UNC13C: variants seen among roughly 807,000 people sequenced by gnomAD.
UNC13C encodes protein unc-13 homolog C.
A neutral mutation model predicts 245.4 loss-of-function variants in UNC13C; 174 were observed. That is an observed-to-expected ratio of 0.71 (90% CI 0.63 to 0.80). The LOEUF is 0.80. Among genes scored for constraint, UNC13C ranks in the 30% least tolerant of loss-of-function variants. The pLI, the probability that UNC13C is intolerant of heterozygous loss-of-function variation, is 0.00. For missense variants in UNC13C, 2,829 were observed against 2,602.9 expected (o/e 1.09, Z -1.89); for synonymous variants, 992 against 895.1 (o/e 1.11, Z -1.93).
chr15:54,075,115 T>A (rs1014623999), intron 2 of UNC13C, among the ~76,000 whole-genome samples: 4 of 152,142 alleles, frequency 2.6e-5, no homozygotes, highest in African/African-American at 9.7e-5. Flanking sequence ...ACTCAAAGAA[T>A]AATAACACAG....
At chr15:54,463,204 AGCTCTCAGTAAAATGGGCCAATCG>A (rs1891954111) in intron 19 of UNC13C, among the ~76,000 whole-genome samples, 2 of 136,876 alleles carry the variant, frequency 1.5e-5, no homozygotes, top group African/African-American at 2.7e-5. Context: ...TGGGCCAATC[AGCTCTCAGTAAAATGGGCCAATCG>A]GCTCTCAGTA....
At chr15:53,985,809 A>T (rs768226523) in intron 1 of UNC13C, among the ~76,000 whole-genome samples, 2 of 151,990 alleles carry the variant, frequency 1.3e-5, no homozygotes, top group Non-Finnish European at 2.9e-5. Context: ...TGAGACTACT[A>T]CTTTCGTCTG....
chr15:54,358,831 C>T, intron 17 of UNC13C, among the ~76,000 whole-genome samples: 1 of 152,008 alleles, frequency 6.6e-6, no homozygotes, highest in Non-Finnish European at 1.5e-5. Flanking sequence ...ATTCCTATAG[C>T]TAAGACTTCC....
intron 2 of UNC13C, among the ~76,000 whole-genome samples, chr15:54,036,375 C>G (rs1192582085): frequency 1.3e-5 from 2 of 152,164 alleles, no homozygotes; most frequent in Non-Finnish European, 2.9e-5. Context: ...TGGAGAAATC[C>G]TGATGTTGTT....
the UNC13C span, among the ~76,000 whole-genome samples, chr15:53,909,362 T>C: frequency 1.4e-5 from 2 of 146,864 alleles, no homozygotes; most frequent in African/African-American, 2.4e-5. Flanking sequence ...AATCAAAATG[T>C]AGTGTAACCC....
chr15:54,015,598 G>T lies in UNC13C; in HGVS notation c.2695G>T (p.Asp899Tyr). ...AAACAGGACTAGTATTACTGAAACA[G>T]ATGAACAAATGCAAGCATATGATCA... ...LENRTSITETDEQMQAYDHLS... is the reference protein window; with the variant it reads ...LENRTSITETYEQMQAYDHLS... The change falls in exon 2 of 33, where the codon GAT (aspartate) becomes TAT (tyrosine). Residue 899 changes from aspartate (D) to tyrosine (Y), a missense_variant. Physicochemically the swap from Asp to Tyr is radical, Grantham distance 160. Coordinates refer to ENST00000260323, the MANE Select transcript of UNC13C (RefSeq NM_001080534.3). 1 of 1,613,818 alleles carries T rather than the reference G, an allele frequency of 6.2e-7. No individual in the cohort carries two copies. Among genetic ancestry groups the T allele is most frequent in the South Asian group, 1.1e-5 (1 of 91,076 alleles).
At chr15:53,957,706 A>G in the UNC13C span, among the ~76,000 whole-genome samples, 1 of 152,186 alleles carries the variant, frequency 6.6e-6, no homozygotes, top group Non-Finnish European at 1.5e-5. Context: ...TCAATATTCA[A>G]TTACAGCATA....
the UNC13C span, among the ~76,000 whole-genome samples, chr15:53,844,496 A>T: frequency 6.6e-6 from 1 of 152,102 alleles, no homozygotes; most frequent in African/African-American, 2.4e-5. Context: ...GGTCAATGTG[A>T]TAAGGTCATC....
chr15:54,139,357 A>G (rs999778272), intron 2 of UNC13C, among the ~76,000 whole-genome samples: 4 of 151,998 alleles, frequency 2.6e-5, no homozygotes, highest in East Asian at 3.9e-4. Flanking sequence ...CAGTGGTCCT[A>G]TTTCTAAACA....
chr15:54,255,197 T>C (rs1395457077), intron 8 of UNC13C, among the ~76,000 whole-genome samples: 1 of 152,190 alleles, frequency 6.6e-6, no homozygotes, highest in African/African-American at 2.4e-5. Context: ...GTCAACTCAA[T>C]TAGACCCCTC....
intron 4 of UNC13C, among the ~76,000 whole-genome samples, chr15:54,203,783 T>C (rs946977390): frequency 5.7e-5 from 6 of 106,124 alleles, no homozygotes; most frequent in Non-Finnish European, 9.1e-5. Flanking sequence ...TACACACACA[T>C]ATAGATATAC....
intron 10 of UNC13C, among the ~76,000 whole-genome samples, chr15:54,286,590 G>A (rs74015113): frequency 0.018 from 2,711 of 152,220 alleles, 88 homozygotes; most frequent in African/African-American, 0.063. Context: ...GTTAAACTCT[G>A]ATAACTTGGC....
chr15:54,165,535 T>C (rs2033133389), intron 4 of UNC13C, among the ~76,000 whole-genome samples: 1 of 152,172 alleles, frequency 6.6e-6, no homozygotes, highest in Non-Finnish European at 1.5e-5. Flanking sequence ...AGCCCTGTGT[T>C]ACTTCAGAAC....
intron 17 of UNC13C, among the ~76,000 whole-genome samples, chr15:54,360,850 T>G (rs893145616): frequency 1.3e-5 from 2 of 152,190 alleles, no homozygotes; most frequent in African/African-American, 4.8e-5. Context: ...GGGGCTGTGT[T>G]GAATGTGATA....
At chr15:54,462,094 G>A (rs1401164424) in intron 19 of UNC13C, among the ~76,000 whole-genome samples, 1 of 152,156 alleles carries the variant, frequency 6.6e-6, no homozygotes, top group African/African-American at 2.4e-5. Flanking sequence ...ATAAGGATTT[G>A]GGTTTACCCA....
the UNC13C span, among the ~76,000 whole-genome samples, chr15:53,899,754 G>T: frequency 1.5e-4 from 23 of 152,254 alleles, no homozygotes; most frequent in East Asian, 4.4e-3. Flanking sequence ...AGTAGAGAGT[G>T]GTTGCTCCAT....
the UNC13C span, among the ~76,000 whole-genome samples, chr15:53,867,003 T>G: frequency 6.6e-6 from 1 of 152,198 alleles, no homozygotes; most frequent in Non-Finnish European, 1.5e-5. Flanking sequence ...AAGTATATGA[T>G]AGTTGCTAAA....
intron 29 of UNC13C, among the ~76,000 whole-genome samples, chr15:54,562,658 T>C (rs1381249195): frequency 6.6e-6 from 1 of 152,078 alleles, no homozygotes; most frequent in Non-Finnish European, 1.5e-5. Flanking sequence ...TTCTGTTCTT[T>C]GGAACTACTA....
chr15:54,489,114 TA>T (rs2141078497), intron 19 of UNC13C, among the ~76,000 whole-genome samples: 1 of 152,298 alleles, frequency 6.6e-6, no homozygotes, highest in East Asian at 1.9e-4. Flanking sequence ...TCCTGTATAA[TA>T]TGTGATTACT....
Sources: allele counts gnomAD v4.1 joint callset (sites outside exome capture counted in the v4.1 genomes callset), GRCh38; gene constraint gnomAD v4.1.1; transcripts MANE v1.5; gene names NCBI Gene and HGNC (gene_info 2026-07-23, HGNC 2026-07-21).